FYTTD1: variants seen among roughly 807,000 people sequenced by gnomAD.
The protein encoded by FYTTD1 is UAP56-interacting factor.
In FYTTD1, 22 loss-of-function variants were observed where a neutral mutation model predicts 40.9. That is an observed-to-expected ratio of 0.54 (90% CI 0.38 to 0.77). The LOEUF is 0.77. FYTTD1 is among the 30% of genes least tolerant of loss of function. The pLI, the probability that FYTTD1 is intolerant of heterozygous loss-of-function variation, is 0.00. For synonymous variants in FYTTD1, 140 were observed against 137.9 expected, an observed-to-expected ratio of 1.01 and a Z score of -0.10; for missense variants, 351 against 392.2, an observed-to-expected ratio of 0.90 and a Z score of 0.89.
chr3:197,777,091 T>G, intron 7 of FYTTD1, 90 bp downstream of exon 7: 1 of 785,758 alleles, frequency 1.3e-6, no homozygotes, highest in Non-Finnish European at 2.1e-6. Context: ...GAGAATGATG[T>G]CCAAGTTGGG....
At chr3:197,762,459 G>C (rs1266965707) in intron 2 of FYTTD1, among the ~76,000 whole-genome samples, 2 of 152,002 alleles carry the variant, frequency 1.3e-5, no homozygotes, top group East Asian at 3.9e-4. Context: ...CATGGTGGCG[G>C]GCACCTGTAG....
chr3:197,770,814 G>A (rs924361583), intron 4 of FYTTD1, among the ~76,000 whole-genome samples: 8 of 152,088 alleles, frequency 5.3e-5, no homozygotes, highest in African/African-American at 1.9e-4. Context: ...CTCCTAAAGT[G>A]CTGGGATTAC....
At chr3:197,781,028 A>T (rs1730014525) in intron 8 of FYTTD1, among the ~76,000 whole-genome samples, 1 of 151,288 alleles carries the variant, frequency 6.6e-6, no homozygotes. Context: ...AATTTGACCA[A>T]ATTGGCCTGG....
At chr3:197,749,792 C>A, upstream of FYTTD1, 1 of 486,644 alleles carries the variant, frequency 2.1e-6, no homozygotes. Context: ...GGCGCGGGGC[C>A]GCTCTGGTCG....
chr3:197,749,880 C>G (rs1314943661), upstream of FYTTD1: 2 of 798,056 alleles, frequency 2.5e-6, no homozygotes, highest in Non-Finnish European at 3.6e-6. Flanking sequence ...TGCGCGCTCC[C>G]TCGGTGCGGC....
chr3:197,762,870 G>C (rs1036064075), intron 2 of FYTTD1, among the ~76,000 whole-genome samples: 1 of 151,828 alleles, frequency 6.6e-6, no homozygotes, highest in South Asian at 2.1e-4. Flanking sequence ...GCGACAGAGT[G>C]AGACTCCGTC....
intron 2 of FYTTD1, among the ~76,000 whole-genome samples, chr3:197,765,757 G>T (rs1729524891): frequency 6.6e-6 from 1 of 152,004 alleles, no homozygotes; most frequent in Non-Finnish European, 1.5e-5. Flanking sequence ...AGCACTCTCG[G>T]AGGCTGAGGC....
At chr3:197,750,247 AGGTGCCCGGCTGGACCGCGAGGGACCC>A in intron 1 of FYTTD1, 173 bp downstream of exon 1, 2 of 843,926 alleles carry the variant, frequency 2.4e-6, no homozygotes, top group South Asian at 6.8e-5. Context: ...GCTCGACGCC[AGGTGCCCGGCTGGACCGCGAGGGACCC>A]GGGCGTCCCC....
intron 1 of FYTTD1, among the ~76,000 whole-genome samples, chr3:197,751,865 A>AAATT (rs145253794): frequency 7.9e-5 from 12 of 151,958 alleles, no homozygotes; most frequent in Admixed American, 2.6e-4. Flanking sequence ...GCATTAAATT[A>AAATT]AATTAATTAA....
chr3:197,761,283 G>C, intron 2 of FYTTD1, among the ~76,000 whole-genome samples: 1 of 151,596 alleles, frequency 6.6e-6, no homozygotes, highest in Admixed American at 6.6e-5. Context: ...AATGTATAGA[G>C]TTGTTCCTCA....
intron 6 of FYTTD1, among the ~76,000 whole-genome samples, chr3:197,776,393 T>G (rs990528602): frequency 2.0e-4 from 30 of 149,182 alleles, no homozygotes; most frequent in African/African-American, 7.4e-4. Context: ...TGTTTTTTTT[T>G]TTTTTTTTTT....
rs190621945 is a variant in FYTTD1, at chr3:197,752,915, C to T, written c.103+2841C>T. On this transcript the variant is annotated intron_variant, in intron 1 of 8. Coordinates refer to ENST00000241502, the MANE Select transcript of FYTTD1 (RefSeq NM_032288.7). ...GATTCTAGAGCCTCAAGTTGTTTTA[C>T]ACCTAGATTTCTTACGTTTCTAGGT... Among the ~76,000 whole-genome samples the T allele has an allele frequency of 6.1e-3, 931 of 152,294 alleles. 8 individuals carry two copies. The highest frequency in any genetic ancestry group is 0.01 in the Non-Finnish European group (683 of 68,022).
rs916662669 is a variant in FYTTD1 at position 197,778,292 on chromosome 3, CT to C, written c.732-42del. On this transcript the variant is annotated intron_variant, in intron 7 of 8. Transcript: ENST00000241502. ...TTAAGTACCAAGTGAATTTATTTTT[CT>C]TTTCATTGTTAAGCTGCTCTGATAT... 4.8e-6 allele frequency: 7 copies of C among 1,467,016 alleles called. No homozygotes were observed. The African/African-American group carries it at 8.5e-5, about 18-fold the overall frequency. The allele number at this position is 1,467,016 out of a possible 1,614,324, so 90.9% of individuals were successfully genotyped here.
intron 1 of FYTTD1, chr3:197,750,525 C>T: frequency 1.0e-6 from 1 of 985,930 alleles, no homozygotes; most frequent in Non-Finnish European, 1.2e-6. Flanking sequence ...TCTTGGAGAG[C>T]CCGGCCGGGG....
chr3:197,773,968 G>A (rs1000951979), intron 5 of FYTTD1, among the ~76,000 whole-genome samples, 181 bp from the exon 6 acceptor site: 5 of 150,992 alleles, frequency 3.3e-5, no homozygotes, highest in South Asian at 2.1e-4. Context: ...AGAATAGCGC[G>A]GGCCCCTCCG....
intron 1 of FYTTD1, chr3:197,750,711 G>C: frequency 1.0e-6 from 1 of 985,518 alleles, no homozygotes; most frequent in Non-Finnish European, 1.2e-6. Context: ...TGTGTATTGA[G>C]CGCTGCCTAG....
chr3:197,752,068 G>T (rs1729074748), intron 1 of FYTTD1, among the ~76,000 whole-genome samples: 1 of 152,128 alleles, frequency 6.6e-6, no homozygotes, highest in Admixed American at 6.5e-5. Flanking sequence ...TAGAGACAGG[G>T]TTTCACCATG....
intron 2 of FYTTD1, among the ~76,000 whole-genome samples, chr3:197,764,769 A>C (rs955448326): frequency 2.6e-5 from 4 of 151,764 alleles, no homozygotes; most frequent in Admixed American, 1.3e-4. Context: ...AAAACAGCAG[A>C]AAGATTGATA....
At position 197,778,404 on chromosome 3, in the gene FYTTD1, C is replaced by T. The variant is rs750312882; in HGVS notation, c.798C>T (p.Asp266=). The part of the protein sequence containing the change: ...PSFLTKREQS[D]VKKVPKGVPL... ...TTTTAACAAAGCGGGAGCAAAGTGA[C>T]GTCAAGAAAGTTCCTAAAGGTGTTC... The change falls in exon 8 of 9, where the codon GAC becomes GAT. Residue 266 remains aspartate, a synonymous_variant. Transcript: ENST00000241502. The T allele has an allele frequency of 1.5e-5, 24 of 1,610,984 alleles. No individual in the cohort carries two copies. Among genetic ancestry groups the T allele is most frequent in the African/African-American group, 2.7e-5 (2 of 74,850 alleles).
Sources: gnomAD v4.1 joint callset for allele counts (sites outside exome capture counted in the v4.1 genomes callset) on GRCh38, gnomAD v4.1.1 for gene constraint, MANE v1.5 for transcripts, NCBI Gene and HGNC (gene_info 2026-07-23, HGNC 2026-07-21) for gene names.